EBF1: variants seen among roughly 807,000 people sequenced by gnomAD.
EBF1 encodes EBF transcription factor 1, also known as transcription factor COE1.
Under a neutral mutation model 68.4 loss-of-function variants are expected in EBF1, and 10 were observed. That is an observed-to-expected ratio of 0.15 (90% CI 0.09 to 0.25). The LOEUF is 0.25. Ranked by LOEUF, EBF1 falls within the 10% of genes least tolerant of loss-of-function variation. EBF1 has a pLI of 1.00. For synonymous variants in EBF1, 298 were observed against 299.8 expected, an observed-to-expected ratio of 0.99 and a Z score of 0.06; for missense variants, 509 against 794.4, an observed-to-expected ratio of 0.64 and a Z score of 4.32.
intron 6 of EBF1, among the ~76,000 whole-genome samples, chr5:158,974,197 A>G (rs1028277730): frequency 6.6e-6 from 1 of 152,240 alleles, no homozygotes; most frequent in African/African-American, 2.4e-5. Flanking sequence ...CTAGCCCTCC[A>G]TGATTGGATG....
chr5:158,824,500 G>C (rs568905299), intron 7 of EBF1, among the ~76,000 whole-genome samples: 2 of 152,362 alleles, frequency 1.3e-5, no homozygotes, highest in East Asian at 3.9e-4. Flanking sequence ...GAAGGCTGAG[G>C]ATTTCTGATT....
At chr5:159,067,835 T>C (rs1267726410) in intron 6 of EBF1, among the ~76,000 whole-genome samples, 1 of 152,166 alleles carries the variant, frequency 6.6e-6, no homozygotes, top group African/African-American at 2.4e-5. Context: ...GTGTCAATGC[T>C]GGCTTTTCAC....
chr5:158,855,606 A>G (rs181580746), intron 6 of EBF1, among the ~76,000 whole-genome samples: 128 of 152,160 alleles, frequency 8.4e-4, no homozygotes, highest in Non-Finnish European at 6.8e-4. Flanking sequence ...CCTGTATCCT[A>G]CCTCAGTGAT....
chr5:158,733,570 G>A lies in EBF1; in HGVS notation c.1037-2413C>T, dbSNP rs866997928. ...CTAAAGAGCTGAAGAGAAGTCATTC[G>A]GCTGCCACAGAGTAATTGAATTAGA... On this transcript the variant is annotated intron_variant, in intron 10 of 15. Transcript: ENST00000313708. Among the ~76,000 whole-genome samples, 4 of 152,030 alleles carry A rather than the reference G, an allele frequency of 2.6e-5. No homozygotes were observed. In the East Asian group the frequency reaches 5.8e-4, roughly 22 times the overall value.
intron 15 of EBF1, 132 bp downstream of exon 15, chr5:158,707,847 A>C: frequency 8.9e-7 from 1 of 1,119,868 alleles, no homozygotes; most frequent in South Asian, 1.6e-5. Context: ...GGAACAGAAG[A>C]GATGAGGGCA....
chr5:158,907,887 A>G (rs970352084), intron 6 of EBF1, among the ~76,000 whole-genome samples: 3 of 152,094 alleles, frequency 2.0e-5, no homozygotes, highest in African/African-American at 4.8e-5. Context: ...AATCACTTCA[A>G]TGAAAACTGC....
intron 6 of EBF1, among the ~76,000 whole-genome samples, chr5:159,058,625 C>T (rs17056492): frequency 5.3e-5 from 8 of 152,142 alleles, no homozygotes; most frequent in African/African-American, 9.7e-5. Flanking sequence ...GAGATCTTTC[C>T]GGAAACCCAA....
At chr5:159,040,743 G>A (rs1049095233) in intron 6 of EBF1, among the ~76,000 whole-genome samples, 2 of 152,182 alleles carry the variant, frequency 1.3e-5, no homozygotes, top group African/African-American at 4.8e-5. Flanking sequence ...CACCTTACAG[G>A]TTTAGCTCTG....
intron 6 of EBF1, among the ~76,000 whole-genome samples, chr5:158,888,481 A>G (rs1800484010): frequency 6.6e-6 from 1 of 152,180 alleles, no homozygotes; most frequent in Admixed American, 6.6e-5. Context: ...TAATAAATCT[A>G]CATAGCTACA....
At chr5:158,919,925 T>C (rs1467280058) in intron 6 of EBF1, among the ~76,000 whole-genome samples, 1 of 152,164 alleles carries the variant, frequency 6.6e-6, no homozygotes, top group Non-Finnish European at 1.5e-5. Flanking sequence ...TTCTGCTATA[T>C]GCATTGCCCA....
At chr5:158,941,255 A>G (rs1302772152) in intron 6 of EBF1, 1 of 456,034 alleles carries the variant, frequency 2.2e-6, no homozygotes, top group South Asian at 1.5e-5. Context: ...GTTAGACCCA[A>G]ACAATGCAGA....
intron 6 of EBF1, among the ~76,000 whole-genome samples, chr5:158,917,241 T>G (rs927353499): frequency 6.6e-6 from 1 of 152,246 alleles, no homozygotes; most frequent in African/African-American, 2.4e-5. Context: ...AAATTAATAT[T>G]GAAAGCTGTC....
chr5:158,712,851 A>G, intron 13 of EBF1, 119 bp downstream of exon 13: 15 of 1,022,588 alleles, frequency 1.5e-5, no homozygotes, highest in Non-Finnish European at 2.0e-5. Context: ...ATACACATAA[A>G]CTAAGAATCT....
chr5:158,741,437 T>C (rs1263871739), intron 10 of EBF1, among the ~76,000 whole-genome samples: 8 of 152,034 alleles, frequency 5.3e-5, no homozygotes, highest in Non-Finnish European at 1.0e-4. Flanking sequence ...TAGCCAAGCA[T>C]GGTGGTATAT....
intron 8 of EBF1, among the ~76,000 whole-genome samples, chr5:158,809,274 C>T (rs756622359): frequency 6.6e-6 from 1 of 152,152 alleles, no homozygotes; most frequent in Non-Finnish European, 1.5e-5. Flanking sequence ...CCTCATTCCA[C>T]TTTACAAATG....
At chr5:158,969,952 C>G (rs1339222907) in intron 6 of EBF1, among the ~76,000 whole-genome samples, 1 of 145,516 alleles carries the variant, frequency 6.9e-6, no homozygotes, top group Admixed American at 6.9e-5. Flanking sequence ...GTTTTGCAAA[C>G]TTCAAATGCC....
chr5:158,850,938 C>A (rs1311925571), intron 6 of EBF1, among the ~76,000 whole-genome samples: 1 of 151,794 alleles, frequency 6.6e-6, no homozygotes, highest in Non-Finnish European at 1.5e-5. Context: ...ACCTGGGAGG[C>A]AGAAGTTGCA....
chr5:158,916,236 G>A (rs1294700473), intron 6 of EBF1, among the ~76,000 whole-genome samples: 1 of 152,116 alleles, frequency 6.6e-6, no homozygotes, highest in East Asian at 1.9e-4. Context: ...GGCAGGACAA[G>A]TGACCCTGTC....
chr5:158,718,668 T>C (rs1223075836), intron 11 of EBF1, among the ~76,000 whole-genome samples: 2 of 152,322 alleles, frequency 1.3e-5, no homozygotes, highest in Non-Finnish European at 2.9e-5. Flanking sequence ...CACCGCTGAC[T>C]AGTGGCTGAG....
Sources: allele counts gnomAD v4.1 joint callset (sites outside exome capture counted in the v4.1 genomes callset), GRCh38; gene constraint gnomAD v4.1.1; transcripts MANE v1.5; gene names NCBI Gene and HGNC (gene_info 2026-07-23, HGNC 2026-07-21).